Variants in ITPR1 observed in about 807,000 individuals in gnomAD.
ITPR1 encodes inositol 1,4,5-trisphosphate receptor type 1.
ITPR1 carries 96 observed loss-of-function variants against 318.4 expected under a neutral mutation model. That is an observed-to-expected ratio of 0.30 (90% confidence interval 0.26 to 0.36). The LOEUF (loss-of-function observed/expected upper bound fraction) is 0.36. ITPR1 is among the 10% of genes least tolerant of loss of function. The probability of loss-of-function intolerance (pLI) is 1.00; values close to 1 mark genes in which losing one functional copy is unlikely to be tolerated. For missense variants in ITPR1, 2,440 were observed against 3,460.2 expected, an observed-to-expected ratio of 0.71 and a Z score of 7.40; for synonymous variants, 1,312 against 1,289.9, an observed-to-expected ratio of 1.02 and a Z score of -0.37.
At chr3:4,694,455 T>C (rs1169006787) in intron 33 of ITPR1, among the ~76,000 whole-genome samples, 1 of 152,068 alleles carries the variant, frequency 6.6e-6, no homozygotes, top group Non-Finnish European at 1.5e-5. Context: ...TTTTAGGTTA[T>C]TTTGAAAAGC....
chr3:4,744,127 C>T (rs1192212881), intron 44 of ITPR1, among the ~76,000 whole-genome samples: 2 of 152,162 alleles, frequency 1.3e-5, no homozygotes, highest in Admixed American at 6.5e-5. Context: ...TGAGCCACCA[C>T]GCTGGCTAGG....
chr3:4,620,492 AG>A (rs763396355), intron 4 of ITPR1, among the ~76,000 whole-genome samples: 5 of 152,156 alleles, frequency 3.3e-5, no homozygotes, highest in Admixed American at 6.5e-5. Flanking sequence ...AAGCCTTTCC[AG>A]GGTTCTGCAG....
Position 4,779,594 on chromosome 3 carries a change from C to T in ITPR1, c.6336C>T (p.His2112=), listed in dbSNP as rs780136024. The T allele has an allele frequency of 2.7e-5, 44 of 1,612,466 alleles. No individual in the cohort carries two copies. Among genetic ancestry groups the T allele is most frequent in the Admixed American group, 3.3e-5 (2 of 59,958 alleles). ...KLLLAIMESR[H]DSENAERILY... ...TCCTGGCCATCATGGAAAGCAGGCA[C>T]GACAGTGAAAACGCAGAGAGGATAC... Residue 2112 remains histidine, a synonymous_variant, in exon 49 of 62, where the codon CAC becomes CAT. Coordinates refer to ENST00000649015, the MANE Select transcript of ITPR1 (RefSeq NM_001378452.1). The surrounding 1 kb of genome is among the most constrained non-coding windows in gnomAD (Gnocchi z 4.0).
chr3:4,685,240 A>G, intron 30 of ITPR1, 34 bp downstream of exon 30: 2 of 1,567,108 alleles, frequency 1.3e-6, no homozygotes, highest in South Asian at 1.2e-5. Context: ...AGCTGCTCTC[A>G]GGATGGGGCG....
At chr3:4,678,626 A>G (rs1184999558) in intron 24 of ITPR1, among the ~76,000 whole-genome samples, 1 of 152,220 alleles carries the variant, frequency 6.6e-6, no homozygotes, top group Non-Finnish European at 1.5e-5. Flanking sequence ...TAAAACCACC[A>G]GAAAGTTCTT....
intron 44 of ITPR1, among the ~76,000 whole-genome samples, chr3:4,755,438 TA>T (rs1366012223): frequency 1.3e-5 from 2 of 151,386 alleles, no homozygotes; most frequent in Non-Finnish European, 2.9e-5. Context: ...GGGGTCTTGC[TA>T]TGTTGCCCAG....
At chr3:4,791,065 T>G (rs1311643105) in intron 52 of ITPR1, among the ~76,000 whole-genome samples, 2 of 152,324 alleles carry the variant, frequency 1.3e-5, no homozygotes, top group Middle Eastern at 3.4e-3. Context: ...CTCGTAAGTG[T>G]ATATGGAGTC....
At chr3:4,635,358 G>A (rs2093152263) in intron 5 of ITPR1, among the ~76,000 whole-genome samples, 1 of 151,794 alleles carries the variant, frequency 6.6e-6, no homozygotes, top group South Asian at 2.1e-4. Flanking sequence ...TTTTTGTGGT[G>A]GGGACGGAGT....
At position 4,508,823 on chromosome 3, in the gene ITPR1, T is replaced by G. The variant is rs78204492; in HGVS notation, c.-16-7653T>G. 8.5e-3 allele frequency among the ~76,000 whole-genome samples: 1,299 copies of G among 152,264 alleles called. 15 individuals are homozygous for G. Among genetic ancestry groups the G allele is most frequent in the African/African-American group, 0.03 (1,230 of 41,550 alleles). On this transcript the variant is annotated intron_variant, in intron 2 of 61. Transcript: ENST00000649015. ...AGTTGAGTTGAGGTCTGGCCAGCTT[T>G]GGTATTGTGAGTTTGGGTACTGAAA...
At chr3:4,515,404 G>A (rs1307914251) in intron 2 of ITPR1, among the ~76,000 whole-genome samples, 2 of 152,140 alleles carry the variant, frequency 1.3e-5, no homozygotes, top group Admixed American at 1.3e-4. Flanking sequence ...AATTGATGGG[G>A]AAAGGGGTGT....
intron 43 of ITPR1, among the ~76,000 whole-genome samples, chr3:4,734,478 C>T (rs1016445480): frequency 6.6e-6 from 1 of 152,154 alleles, no homozygotes; most frequent in East Asian, 1.9e-4. Context: ...AATTTTCTGC[C>T]TTTTGAAGCT....
rs200723942 is a variant in ITPR1, at chr3:4,508,034, G to T, written c.-16-8442G>T. 4.6e-5 allele frequency among the ~76,000 whole-genome samples: 7 copies of T among 152,138 alleles called. No homozygotes were observed. In the East Asian group the frequency reaches 1.3e-3, roughly 29 times the overall value. ...TGTGTGGTAAAATACAGAGGAGCTT[G>T]GTCATCAGGAAATTAATGGTGCACT... On this transcript the variant is annotated intron_variant, in intron 2 of 61. Coordinates refer to ENST00000649015, the MANE Select transcript of ITPR1 (RefSeq NM_001378452.1).
At chr3:4,588,925 G>C (rs1272144907) in intron 4 of ITPR1, among the ~76,000 whole-genome samples, 2 of 152,082 alleles carry the variant, frequency 1.3e-5, no homozygotes, top group African/African-American at 4.8e-5. Context: ...GTCCCAATTT[G>C]CCTACTTCTC....
chr3:4,531,014 G>A (rs960356510), intron 4 of ITPR1, among the ~76,000 whole-genome samples: 1 of 152,084 alleles, frequency 6.6e-6, no homozygotes. Context: ...TTTCTGATAG[G>A]GTCATGCATG....
At chr3:4,744,172 A>G (rs925464018) in intron 44 of ITPR1, among the ~76,000 whole-genome samples, 7 of 152,172 alleles carry the variant, frequency 4.6e-5, no homozygotes, top group African/African-American at 1.7e-4. Context: ...TTCAGAGAGA[A>G]CCTCAGGTTT....
At chr3:4,625,915 T>C (rs2092810763) in intron 4 of ITPR1, among the ~76,000 whole-genome samples, 1 of 152,216 alleles carries the variant, frequency 6.6e-6, no homozygotes, top group Admixed American at 6.5e-5. Flanking sequence ...TATGTCAAAA[T>C]GTAAACTTTT....
intron 53 of ITPR1, chr3:4,800,203 A>G (rs2048137143): frequency 3.7e-6 from 2 of 534,230 alleles, no homozygotes; most frequent in Admixed American, 7.8e-5. Context: ...GAGATGAATG[A>G]GAAGGGAAGA....
rs1453330643 is a variant in ITPR1 at position 4,826,727 on chromosome 3, T to G, written c.8028+8485T>G. Among the ~76,000 whole-genome samples the G allele has an allele frequency of 6.6e-6, 1 of 152,200 alleles. No individual in the cohort carries two copies. The highest frequency in any genetic ancestry group is 1.5e-5 in the Non-Finnish European group (1 of 68,042). On this transcript the variant is annotated intron_variant, in intron 60 of 61. Transcript: ENST00000649015. This position sits in a 1 kb window ranked among gnomAD's most constrained non-coding sequence, Gnocchi z 4.2. The stretch of plus-strand genomic sequence containing the variant: ...TCCGTGCAGCACTTCACTGGCACTT[T>G]CCTTTCATTGTGAGGCACTTGGCGT...
At chr3:4,609,006 A>C (rs1344022428) in intron 4 of ITPR1, among the ~76,000 whole-genome samples, 8 of 135,728 alleles carry the variant, frequency 5.9e-5, no homozygotes, top group Non-Finnish European at 9.3e-5. Context: ...GTCTTTAAAA[A>C]AAAAAAAAAA....
Sources: gnomAD v4.1 joint callset for allele counts (sites outside exome capture counted in the v4.1 genomes callset) on GRCh38, gnomAD v4.1.1 for gene constraint, Gnocchi (gnomAD v3.1) non-coding constraint, MANE v1.5 for transcripts, NCBI Gene and HGNC (gene_info 2026-07-23, HGNC 2026-07-21) for gene names.